Variants in RBFOX2 observed in about 807,000 individuals in gnomAD.
RBFOX2 encodes the protein RNA binding protein fox-1 homolog 2.
In RBFOX2, 10 loss-of-function variants were observed where a neutral mutation model predicts 49.1. That is an observed-to-expected ratio of 0.20 (90% confidence interval 0.13 to 0.35). The LOEUF (loss-of-function observed/expected upper bound fraction) is 0.35, where lower values mean the gene tolerates loss of function less well. Among genes scored for constraint, RBFOX2 ranks in the 10% least tolerant of loss-of-function variants. RBFOX2 has a pLI of 1.00. For synonymous variants in RBFOX2, 183 were observed against 187.4 expected (o/e 0.98, Z 0.19); for missense variants, 323 against 486.9 (o/e 0.66, Z 3.17).
intron 1 of RBFOX2, among the ~76,000 whole-genome samples, chr22:35,915,748 C>T (rs1303821534): frequency 3.9e-5 from 6 of 152,184 alleles, no homozygotes; most frequent in African/African-American, 1.2e-4. Context: ...CACCTTAATA[C>T]GGCACCAGAA....
intron 1 of RBFOX2, among the ~76,000 whole-genome samples, chr22:35,823,357 C>T (rs1675955384): frequency 6.6e-6 from 1 of 152,232 alleles, no homozygotes; most frequent in South Asian, 2.1e-4. Flanking sequence ...TATTCACCAA[C>T]AGGCATCTGC....
At chr22:36,016,817 G>C (rs2059053698) in intron 1 of RBFOX2, among the ~76,000 whole-genome samples, 3 of 152,194 alleles carry the variant, frequency 2.0e-5, no homozygotes, top group Admixed American at 2.0e-4. Context: ...CCTGTGCCTT[G>C]AATTTTTGGC....
In RBFOX2 at chr22:36,009,477, G is replaced by A. The variant is rs910462690; in HGVS notation, c.186+18763C>T. The stretch of plus-strand genomic sequence containing the variant: ...CAGCATCTGCCTCCTGGGCTCAAGA[G>A]GTCCTCCCACCTCAGCCTACCGAGT... On this transcript the variant is annotated intron_variant, in intron 1 of 13. Coordinates refer to the RBFOX2 transcript ENST00000438146. 5.9e-5 allele frequency among the ~76,000 whole-genome samples: 9 copies of A among 152,206 alleles called. No individual in the cohort carries two copies. The East Asian group carries it at 1.5e-3, about 26-fold the overall frequency.
intron 3 of RBFOX2, among the ~76,000 whole-genome samples, chr22:35,778,874 T>C (rs1056436246): frequency 1.3e-5 from 2 of 152,186 alleles, no homozygotes; most frequent in African/African-American, 4.8e-5. Context: ...TGACTTCATG[T>C]GATCTGCCTG....
At chr22:35,833,582 C>T (rs1264221465) in intron 1 of RBFOX2, among the ~76,000 whole-genome samples, 1 of 152,148 alleles carries the variant, frequency 6.6e-6, no homozygotes. Context: ...AAAAACCTCA[C>T]CTATCTCAAA....
intron 1 of RBFOX2, among the ~76,000 whole-genome samples, chr22:35,820,911 T>C (rs1015459397): frequency 2.6e-5 from 4 of 152,054 alleles, no homozygotes; most frequent in East Asian, 1.9e-4. Context: ...CTACATACAA[T>C]AGCCACAGCG....
At chr22:35,924,219 T>G (rs533844928) in intron 1 of RBFOX2, among the ~76,000 whole-genome samples, 1 of 152,344 alleles carries the variant, frequency 6.6e-6, no homozygotes, top group East Asian at 1.9e-4. Flanking sequence ...TGTGTTACTC[T>G]GAAATTAAGA....
At chr22:35,961,764 A>G, upstream of RBFOX2, 1 of 1,193,514 alleles carries the variant, frequency 8.4e-7, no homozygotes, top group Non-Finnish European at 1.1e-6. Context: ...CCGCCCCAAA[A>G]AGACGATGCT....
intron 1 of RBFOX2, among the ~76,000 whole-genome samples, chr22:35,848,093 A>C (rs1178765697): frequency 1.3e-5 from 2 of 152,154 alleles, no homozygotes; most frequent in Non-Finnish European, 2.9e-5. Context: ...CTTTTTCCTC[A>C]AAGAATTTTA....
exon 12 of RBFOX2, chr22:35,741,853 C>T (rs528250572): frequency 6.6e-6 from 1 of 152,656 alleles, no homozygotes; most frequent in African/African-American, 2.4e-5. Context: ...AAGAGAAAAA[C>T]TCTTAAACTC....
At chr22:36,028,172 C>T in intron 1 of RBFOX2, 68 bp downstream of exon 1, 1 of 1,378,656 alleles carries the variant, frequency 7.3e-7, no homozygotes, top group Non-Finnish European at 9.4e-7. Flanking sequence ...CTCTCCAAGC[C>T]GGGGAGCCCG....
intron 1 of RBFOX2, among the ~76,000 whole-genome samples, chr22:35,816,221 A>G (rs927003461): frequency 3.3e-5 from 5 of 152,068 alleles, no homozygotes; most frequent in African/African-American, 1.2e-4. Context: ...TTAAATCCCA[A>G]ATCTCCTTCC....
intron 5 of RBFOX2, among the ~76,000 whole-genome samples, chr22:35,767,212 A>G (rs999372424): frequency 5.3e-5 from 8 of 152,206 alleles, no homozygotes; most frequent in African/African-American, 1.9e-4. Flanking sequence ...AACAGCATTG[A>G]AAATAAAAGG....
At chr22:35,930,515 G>A (rs2052265907) in intron 1 of RBFOX2, among the ~76,000 whole-genome samples, 1 of 151,858 alleles carries the variant, frequency 6.6e-6, no homozygotes. Context: ...GGCTTTATTA[G>A]AAGGAAAGAG....
intron 1 of RBFOX2, among the ~76,000 whole-genome samples, chr22:35,985,902 G>GGATA (rs3075246): frequency 0.014 from 2,044 of 144,042 alleles, 18 homozygotes; most frequent in South Asian, 0.017. Context: ...ATAGATAGAT[G>GGATA]GATAGATAGA....
intron 1 of RBFOX2, among the ~76,000 whole-genome samples, chr22:35,925,429 C>G (rs953873167): frequency 6.6e-6 from 1 of 152,076 alleles, no homozygotes; most frequent in African/African-American, 2.4e-5. Context: ...ACTTGGGAGG[C>G]TGAGGTGGGA....
intron 1 of RBFOX2, among the ~76,000 whole-genome samples, chr22:35,865,094 A>G (rs1051299493): frequency 2.6e-5 from 4 of 152,246 alleles, no homozygotes; most frequent in Non-Finnish European, 4.4e-5. Flanking sequence ...AGAAAGATAG[A>G]TAACTTTGGA....
chr22:35,790,355 G>A (rs970530049), intron 2 of RBFOX2, among the ~76,000 whole-genome samples: 3 of 152,194 alleles, frequency 2.0e-5, no homozygotes, highest in African/African-American at 4.8e-5. Flanking sequence ...AGTAGGAAAT[G>A]AGATGTGGTT....
At chr22:35,834,133 GTGGTTAAGAATATCAA>G (rs1026660638) in intron 1 of RBFOX2, among the ~76,000 whole-genome samples, 1 of 152,192 alleles carries the variant, frequency 6.6e-6, no homozygotes, top group African/African-American at 2.4e-5. Context: ...TTAGAGTACA[GTGGTTAAGAATATCAA>G]TTTCTAAGCC....
Sources: gnomAD v4.1 joint callset for allele counts (sites outside exome capture counted in the v4.1 genomes callset) on GRCh38, gnomAD v4.1.1 for gene constraint, MANE v1.5 for transcripts, NCBI Gene and HGNC (gene_info 2026-07-23, HGNC 2026-07-21) for gene names.